The following SH2B3 variants were observed in gnomAD, a reference collection of about 807,000 sequenced individuals.
SH2B3 encodes SH2B adaptor protein 3, also known as SH2B adapter protein 3.
Under a neutral mutation model 51.9 loss-of-function variants are expected in SH2B3, and 43 were observed. That is an observed-to-expected ratio of 0.83 (90% confidence interval 0.65 to 1.07). SH2B3 has a LOEUF of 1.07. Among genes scored for constraint, SH2B3 ranks in the 50% least tolerant of loss-of-function variants. The pLI is 0.00. For synonymous variants in SH2B3, 396 were observed against 376.0 expected, an observed-to-expected ratio of 1.05 and a Z score of -0.62; for missense variants, 952 against 834.3, an observed-to-expected ratio of 1.14 and a Z score of -1.74.
At chr12:111,420,967 T>C (rs1323751746) in intron 2 of SH2B3, among the ~76,000 whole-genome samples, 2 of 152,152 alleles carry the variant, frequency 1.3e-5, no homozygotes, top group Admixed American at 1.3e-4. Context: ...CATCTGAAGC[T>C]CTGTGTTTCC....
At position 111,439,744 on chromosome 12, in the gene SH2B3, G is replaced by A. The variant is rs149481058; in HGVS notation, c.733-7009G>A. ...AGGCTGGAGCAGCATCGTGGGGGTG[G>A]AAATAGCTAATTCTGGACAGACTTG... On this transcript the variant is annotated intron_variant, in intron 2 of 7. Transcript: ENST00000341259. Among the ~76,000 whole-genome samples the A allele has an allele frequency of 1.3e-3, 193 of 152,300 alleles. No individual in the cohort carries two copies. In the Middle Eastern group the frequency reaches 0.014, roughly 11 times the overall value.
At chr12:111,432,968 C>T (rs1045641041) in intron 2 of SH2B3, among the ~76,000 whole-genome samples, 1 of 152,206 alleles carries the variant, frequency 6.6e-6, no homozygotes, top group African/African-American at 2.4e-5. Flanking sequence ...TATGAACATT[C>T]GTGGACAAGT....
chr12:111,413,775 G>C (rs1054361343), intron 1 of SH2B3, among the ~76,000 whole-genome samples: 3 of 152,224 alleles, frequency 2.0e-5, no homozygotes, highest in African/African-American at 7.2e-5. Context: ...CTAGGAGCTG[G>C]AGATGAAGCA....
At chr12:111,417,173 A>G (rs1158601742) in intron 1 of SH2B3, among the ~76,000 whole-genome samples, 3 of 152,186 alleles carry the variant, frequency 2.0e-5, no homozygotes, top group Admixed American at 6.5e-5. Context: ...TAGATGGGCC[A>G]GATTCTTTCA....
chr12:111,406,593 TC>T lies in SH2B3; in HGVS notation c.-28+320del, dbSNP rs1870270897. On this transcript the variant is annotated intron_variant, in intron 1 of 7. Transcript: ENST00000341259. This position sits in a 1 kb window ranked among gnomAD's most constrained non-coding sequence, Gnocchi z 5.7. ...TAGCCTCGCCGGTTGGGGGCGGCCC[TC>T]CCCTCAACTTGTGCCTGGGGAGGAG... Among the ~76,000 whole-genome samples the T allele has an allele frequency of 6.6e-6, 1 of 152,052 alleles. No individual in the cohort carries two copies. The highest frequency in any genetic ancestry group is 6.5e-5 in the Admixed American group (1 of 15,270).
chr12:111,444,767 G>A (rs747697703), intron 2 of SH2B3: 149 of 985,554 alleles, frequency 1.5e-4, no homozygotes, highest in Non-Finnish European at 1.7e-4. Context: ...TCCAGGCTGA[G>A]GTTTCGACTG....
At position 111,409,652 on chromosome 12, in the gene SH2B3, G is replaced by T. The variant is rs373323064; in HGVS notation, c.-28+3375G>T. Among the ~76,000 whole-genome samples, 3 of 152,280 alleles carry T rather than the reference G, an allele frequency of 2.0e-5. No homozygotes were observed. The highest frequency in any genetic ancestry group is 4.1e-4 in the South Asian group (2 of 4,830). ...CTGAGTCAGGCCTTATTGGACCCAG[G>T]AGTCCTGCACCCCACCTCCCCAGCT... On this transcript the variant is annotated intron_variant, in intron 1 of 7. Transcript: ENST00000341259. The surrounding 1 kb of genome is among the most constrained non-coding windows in gnomAD (Gnocchi z 4.0).
chr12:111,444,818 A>C (rs1233616099), intron 2 of SH2B3: 6 of 985,480 alleles, frequency 6.1e-6, no homozygotes, highest in Non-Finnish European at 7.2e-6. Flanking sequence ...ACACGCTGCA[A>C]CCTGGCTGGA....
chr12:111,432,945 T>C (rs1049344446), intron 2 of SH2B3, among the ~76,000 whole-genome samples: 2 of 152,268 alleles, frequency 1.3e-5, no homozygotes, highest in Non-Finnish European at 2.9e-5. Flanking sequence ...CTGGCTGTTA[T>C]GAATAATGCT....
At chr12:111,431,916 C>G (rs1378056658) in intron 2 of SH2B3, among the ~76,000 whole-genome samples, 1 of 152,210 alleles carries the variant, frequency 6.6e-6, no homozygotes, top group African/African-American at 2.4e-5. Flanking sequence ...AGCCTCTTCT[C>G]TGTCTTTAAC....
chr12:111,447,011 C>T lies in SH2B3; in HGVS notation c.904C>T (p.Leu302Phe), dbSNP rs531965947. The change falls in exon 4 of 8, where the codon CTC (leucine) becomes TTC (phenylalanine). Residue 302 changes from leucine to phenylalanine, a missense_variant. By Grantham distance (22) the Leu-to-Phe change is conservative. Transcript: ENST00000341259. Reference sequence around the variant, plus strand: ...GCAGCTGAATTCATGGATGGCTGAGCTCTCGGAGTGCACAGGCCGAGGGTG... The same window carrying T: ...GCAGCTGAATTCATGGATGGCTGAGTTCTCGGAGTGCACAGGCCGAGGGTG... ...EQQLNSWMAE[L>F]SECTGRGLES... The T allele has an allele frequency of 3.2e-5, 51 of 1,614,042 alleles. No individual in the cohort carries two copies. The highest frequency in any genetic ancestry group is 2.2e-4 in the South Asian group (20 of 91,074).
rs1356199897 is a variant in SH2B3, at chr12:111,418,854, C to CT, written c.710dup (p.Glu238GlyfsTer30). ...GGGCCCCGATGGCCCCGACCGCGTG[C>CT]TGGAGCTCTTCGACCCACCCAAGGT... On this transcript the variant is annotated frameshift_variant, in exon 2 of 8. Transcript: ENST00000341259. LOFTEE classifies it high-confidence loss of function. The surrounding 1 kb of genome is among the most constrained non-coding windows in gnomAD (Gnocchi z 6.7). 2.1e-6 allele frequency: 3 copies of CT among 1,415,864 alleles called. No individual in the cohort carries two copies. The African/African-American group carries it at 4.6e-5, about 22-fold the overall frequency. The allele number at this position is 1,415,864 out of a possible 1,614,324, so 87.7% of individuals were successfully genotyped here.
In SH2B3 at chr12:111,418,777, T is replaced by C. The variant is rs975841955; in HGVS notation, c.632T>C (p.Met211Thr). Reference protein sequence around the residue: ...LRYSLADEASMDSGARWQRGR... With the variant: ...LRYSLADEASTDSGARWQRGR... ...TACAGCCTGGCCGACGAGGCCTCCATGGACAGCGGGGCACGCTGGCAGCGC... is the reference window on the plus strand; with the variant it reads ...TACAGCCTGGCCGACGAGGCCTCCACGGACAGCGGGGCACGCTGGCAGCGC... The change falls in exon 2 of 8, where the codon ATG becomes ACG. Residue 211 changes from methionine (M) to threonine (T), a missense_variant. Met to Thr is a moderately conservative substitution (Grantham distance 81). Coordinates refer to ENST00000341259, the MANE Select transcript of SH2B3 (RefSeq NM_005475.3). The surrounding 1 kb of genome is among the most constrained non-coding windows in gnomAD (Gnocchi z 6.7). The C allele has an allele frequency of 6.8e-6, 10 of 1,473,238 alleles. No homozygotes were observed. The highest frequency in any genetic ancestry group is 2.4e-4 in the Middle Eastern group (1 of 4,184). 91.3% of individuals were successfully genotyped at this position (1,473,238 alleles called of 1,614,324 possible).
chr12:111,427,597 C>G (rs1024283745), intron 2 of SH2B3, among the ~76,000 whole-genome samples: 1 of 152,066 alleles, frequency 6.6e-6, no homozygotes, highest in African/African-American at 2.4e-5. Context: ...CCAGACCTTC[C>G]CGGGGAGGTG....
chr12:111,408,877 A>G (rs971968953), intron 1 of SH2B3, among the ~76,000 whole-genome samples: 4 of 152,202 alleles, frequency 2.6e-5, no homozygotes, highest in Admixed American at 2.0e-4. Flanking sequence ...GAAAGGCTTT[A>G]ACAGCTGTGC....
At chr12:111,441,517 G>A (rs1873404449) in intron 2 of SH2B3, among the ~76,000 whole-genome samples, 1 of 152,100 alleles carries the variant, frequency 6.6e-6, no homozygotes, top group African/African-American at 2.4e-5. Context: ...AGGGATTTCT[G>A]GGCAGGATAC....
chr12:111,447,634 C>T lies in SH2B3; in HGVS notation c.1237-22C>T, dbSNP rs368827862. On this transcript the variant is annotated intron_variant, in intron 6 of 7. Transcript: ENST00000341259. ...AGGGTCCTAGAGGGACAGCCCGAGC[C>T]CACCATCCTCTCCTCCCACAGCACC... 48 of 1,609,310 alleles carry T rather than the reference C, an allele frequency of 3.0e-5. No individual in the cohort carries two copies. In the African/African-American group the frequency reaches 4.8e-4, roughly 16 times the overall value.
intron 2 of SH2B3, chr12:111,444,255 A>AAGTT (rs1873709514): frequency 6.6e-6 from 1 of 152,242 alleles, no homozygotes; most frequent in Non-Finnish European, 1.5e-5. Flanking sequence ...ATCTGGGATA[A>AAGTT]AGTTAGCTGT....
In SH2B3 at chr12:111,447,541, CAAGGTATGGGGTGGG is replaced by C. The variant is rs1169289204; in HGVS notation, c.1234_1236+12del. ...TCACTTTCAACTTTCAGGGGATAGC[CAAGGTATGGGGTGGG>C]GTGGGGTGGGGTGGGGCAGGCAGGA... On this transcript the variant is annotated splice_donor_variant and splice_donor_5th_base_variant and coding_sequence_variant and intron_variant, in exon 6 of 8. Transcript: ENST00000341259. LOFTEE classifies it high-confidence loss of function. 1.4e-6 allele frequency: 1 copy of C among 709,020 alleles called. No homozygotes were observed. The highest frequency in any genetic ancestry group is 2.0e-6 in the Non-Finnish European group (1 of 502,964). 43.9% of individuals were successfully genotyped at this position (709,020 alleles called of 1,614,324 possible).
Sources: gnomAD v4.1 joint callset for allele counts (sites outside exome capture counted in the v4.1 genomes callset) on GRCh38, gnomAD v4.1.1 for gene constraint, Gnocchi (gnomAD v3.1) non-coding constraint, MANE v1.5 for transcripts, NCBI Gene and HGNC (gene_info 2026-07-23, HGNC 2026-07-21) for gene names.